EDIL3: variants seen among roughly 807,000 people sequenced by gnomAD.
EDIL3 encodes the protein EGF-like repeat and discoidin I-like domain-containing protein 3.
In EDIL3, 37 loss-of-function variants were observed where a neutral mutation model predicts 67.4. That is an observed-to-expected ratio of 0.55 (90% CI 0.42 to 0.72). The LOEUF is 0.72. EDIL3 is among the 30% of genes least tolerant of loss of function. The probability of loss-of-function intolerance (pLI) is 0.00; values close to 1 mark genes in which losing one functional copy is unlikely to be tolerated. For missense variants in EDIL3, 527 were observed against 586.3 expected, an observed-to-expected ratio of 0.90 and a Z score of 1.04; for synonymous variants, 195 against 196.3, an observed-to-expected ratio of 0.99 and a Z score of 0.05.
At chr5:84,267,302 C>T (rs903005870) in intron 1 of EDIL3, among the ~76,000 whole-genome samples, 1 of 152,182 alleles carries the variant, frequency 6.6e-6, no homozygotes, top group South Asian at 2.1e-4. Flanking sequence ...CTTCTCATCA[C>T]TTGCATATGT....
At chr5:84,038,238 C>T (rs1356831831) in intron 9 of EDIL3, among the ~76,000 whole-genome samples, 1 of 151,958 alleles carries the variant, frequency 6.6e-6, no homozygotes, top group African/African-American at 2.4e-5. Context: ...CCAGTCTGCA[C>T]CCAGCCTATC....
At chr5:84,007,398 T>A (rs1745437874) in intron 9 of EDIL3, among the ~76,000 whole-genome samples, 1 of 151,986 alleles carries the variant, frequency 6.6e-6, no homozygotes. Context: ...ATAACCAGAA[T>A]ACATAAGGAG....
intron 1 of EDIL3, among the ~76,000 whole-genome samples, chr5:84,256,426 G>A (rs1486264012): frequency 6.6e-6 from 1 of 152,172 alleles, no homozygotes; most frequent in African/African-American, 2.4e-5. Flanking sequence ...AGACTTTTAA[G>A]GAGACTCAGT....
At chr5:84,160,734 TCTTTTCTTTTCTTTCCTTTC>T (rs1748587555) in intron 4 of EDIL3, among the ~76,000 whole-genome samples, 6 of 121,962 alleles carry the variant, frequency 4.9e-5, no homozygotes, top group African/African-American at 1.4e-4. Flanking sequence ...TTCTTTTTTT[TCTTTTCTTTTCTTTCCTTTC>T]CTTTCCTTTC....
At chr5:84,134,813 C>T (rs931712373) in intron 5 of EDIL3, among the ~76,000 whole-genome samples, 1 of 152,066 alleles carries the variant, frequency 6.6e-6, no homozygotes, top group African/African-American at 2.4e-5. Context: ...TGTCAGCACA[C>T]GGAGAATACA....
chr5:84,349,659 C>T (rs1011553353), intron 1 of EDIL3, among the ~76,000 whole-genome samples: 2 of 151,814 alleles, frequency 1.3e-5, no homozygotes, highest in Non-Finnish European at 2.9e-5. Context: ...TATTAAACAC[C>T]ACGTTGTTAT....
chr5:84,362,009 G>A (rs1747622130), intron 1 of EDIL3, among the ~76,000 whole-genome samples: 1 of 151,954 alleles, frequency 6.6e-6, no homozygotes, highest in South Asian at 2.1e-4. Context: ...ACAATAACAA[G>A]TTTATGCAGA....
chr5:84,106,549 G>A lies in EDIL3; in HGVS notation c.651+100C>T, dbSNP rs142078657. On this transcript the variant is annotated intron_variant, in intron 6 of 10. Transcript: ENST00000296591. The stretch of plus-strand genomic sequence containing the variant: ...AAATTACCCTTTCCTCTGACCATAA[G>A]GAAGAGTCACACTGAGTTCCCTTTT... 2.1e-5 allele frequency: 29 copies of A among 1,379,972 alleles called. No homozygotes were observed. The African/African-American group carries it at 3.9e-4, about 19-fold the overall frequency. The allele number at this position is 1,379,972 out of a possible 1,614,324, so 85.5% of individuals were successfully genotyped here. A position where few individuals can be genotyped will look rare whatever the true frequency, so the allele number is the denominator to read the frequency against.
chr5:84,100,570 G>A (rs1420044052), intron 6 of EDIL3, among the ~76,000 whole-genome samples: 3 of 152,034 alleles, frequency 2.0e-5, no homozygotes, highest in African/African-American at 7.2e-5. Flanking sequence ...ACTGGGGACT[G>A]TTGAGTGGGG....
At chr5:84,202,433 A>C (rs1743863508) in intron 3 of EDIL3, among the ~76,000 whole-genome samples, 1 of 152,196 alleles carries the variant, frequency 6.6e-6, no homozygotes, top group Non-Finnish European at 1.5e-5. Flanking sequence ...ACATCTTTTT[A>C]AACTAAAAAG....
At position 84,149,041 on chromosome 5, in the gene EDIL3, G is replaced by A. The variant is rs997243920; in HGVS notation, c.356-11687C>T. Among the ~76,000 whole-genome samples, 25 of 149,336 alleles carry A rather than the reference G, an allele frequency of 1.7e-4. No individual in the cohort carries two copies. In the Admixed American group the frequency reaches 1.7e-3, roughly 10 times the overall value. On this transcript the variant is annotated intron_variant, in intron 4 of 10. Coordinates refer to ENST00000296591, the MANE Select transcript of EDIL3 (RefSeq NM_005711.5). Reference sequence around the variant, plus strand: ...CAGTGTTGAACATACTGAACATTAAGACACAAAGGACTCTCCCTCTTGGGC... The same window carrying A: ...CAGTGTTGAACATACTGAACATTAAAACACAAAGGACTCTCCCTCTTGGGC...
intron 8 of EDIL3, among the ~76,000 whole-genome samples, chr5:84,060,845 T>C (rs540670099): frequency 4.6e-5 from 7 of 152,188 alleles, no homozygotes; most frequent in Non-Finnish European, 1.0e-4. Context: ...AACAGTTTCA[T>C]TGTGTCTTTA....
At chr5:84,128,745 C>T (rs966153833) in intron 5 of EDIL3, among the ~76,000 whole-genome samples, 20 of 152,094 alleles carry the variant, frequency 1.3e-4, no homozygotes, top group African/African-American at 3.6e-4. Context: ...ATGCCGTTCT[C>T]AAACTCTCTT....
At chr5:84,043,829 C>T (rs1384283611) in intron 9 of EDIL3, among the ~76,000 whole-genome samples, 1 of 151,946 alleles carries the variant, frequency 6.6e-6, no homozygotes, top group East Asian at 1.9e-4. Flanking sequence ...TATAGAAATA[C>T]AATTTAATTA....
At chr5:84,005,756 CT>C in intron 9 of EDIL3, among the ~76,000 whole-genome samples, 2 of 152,130 alleles carry the variant, frequency 1.3e-5, no homozygotes, top group African/African-American at 4.8e-5. Flanking sequence ...CCCTTGAGAA[CT>C]GGAATGAGAC....
At chr5:84,265,548 C>G (rs1011662305) in intron 1 of EDIL3, among the ~76,000 whole-genome samples, 1 of 152,152 alleles carries the variant, frequency 6.6e-6, no homozygotes, top group Non-Finnish European at 1.5e-5. Context: ...TTCATACACA[C>G]CTTTTACAAC....
rs530118316 is a variant in EDIL3, at chr5:84,231,498, G to T, written c.197-1614C>A. Reference sequence around the variant, plus strand: ...GCTGAATTGCTTATAAAGGAACTTTGTTCCCAGCGGATTCGTTAATCAAGG... The same window carrying T: ...GCTGAATTGCTTATAAAGGAACTTTTTTCCCAGCGGATTCGTTAATCAAGG... On this transcript the variant is annotated intron_variant, in intron 2 of 10. Transcript: ENST00000296591. Among the ~76,000 whole-genome samples the T allele has an allele frequency of 2.6e-5, 4 of 152,290 alleles. No homozygotes were observed. The South Asian group carries it at 8.3e-4, about 32-fold the overall frequency.
chr5:84,157,622 C>A (rs893542640), intron 4 of EDIL3, among the ~76,000 whole-genome samples: 2 of 151,978 alleles, frequency 1.3e-5, no homozygotes, highest in African/African-American at 2.4e-5. Flanking sequence ...AAATCAATTT[C>A]TTGGACCATT....
intron 1 of EDIL3, among the ~76,000 whole-genome samples, chr5:84,318,629 T>C (rs1746562609): frequency 6.6e-6 from 1 of 152,208 alleles, no homozygotes; most frequent in African/African-American, 2.4e-5. Context: ...ACTGGACCCC[T>C]TCCTTACACT....
Sources: gnomAD v4.1 joint callset for allele counts (sites outside exome capture counted in the v4.1 genomes callset) on GRCh38, gnomAD v4.1.1 for gene constraint, MANE v1.5 for transcripts, NCBI Gene and HGNC (gene_info 2026-07-23, HGNC 2026-07-21) for gene names.